Variants in PRR5L observed in about 807,000 individuals in gnomAD.
The protein encoded by PRR5L is proline-rich protein 5-like.
PRR5L carries 21 observed loss-of-function variants against 36.4 expected under a neutral mutation model. The observed-to-expected ratio is 0.58, with a 90% CI of 0.41 to 0.83. The LOEUF (loss-of-function observed/expected upper bound fraction) is 0.83, where lower values mean the gene tolerates loss of function less well. PRR5L is among the 40% of genes least tolerant of loss of function. The probability of loss-of-function intolerance (pLI) is 0.00; values close to 1 mark genes in which losing one functional copy is unlikely to be tolerated. For synonymous variants in PRR5L, 188 were observed against 197.0 expected (o/e 0.95, Z 0.38); for missense variants, 381 against 473.3 (o/e 0.80, Z 1.81).
chr11:36,347,306 A>G (rs1856877345), intron 1 of PRR5L, among the ~76,000 whole-genome samples: 1 of 152,174 alleles, frequency 6.6e-6, no homozygotes, highest in Admixed American at 6.5e-5. Flanking sequence ...GACTTTGCCT[A>G]TGGAATGGGA....
chr11:36,398,398 A>G (rs1394153789), intron 1 of PRR5L: 4 of 152,396 alleles, frequency 2.6e-5, no homozygotes, highest in African/African-American at 9.6e-5. Flanking sequence ...AGGTGAACCC[A>G]GGGTGTATCA....
At chr11:36,303,993 C>G (rs55760658) in intron 1 of PRR5L, among the ~76,000 whole-genome samples, 1,728 of 152,250 alleles carry the variant, frequency 0.011, 37 homozygotes, top group African/African-American at 0.039. Flanking sequence ...CAATTCAACC[C>G]TAAGAGGTGG....
chr11:36,342,273 T>C (rs1241729429), intron 1 of PRR5L, among the ~76,000 whole-genome samples: 1 of 152,178 alleles, frequency 6.6e-6, no homozygotes. Flanking sequence ...ATCTTTATTA[T>C]GTAGGCTGGC....
intron 8 of PRR5L, among the ~76,000 whole-genome samples, chr11:36,456,333 C>T (rs114986072): frequency 1.2e-3 from 183 of 152,316 alleles, no homozygotes; most frequent in African/African-American, 4.3e-3. Context: ...GCTGTATTGC[C>T]ATGTCCTATT....
intron 1 of PRR5L, among the ~76,000 whole-genome samples, chr11:36,341,544 G>A (rs1009411639): frequency 6.6e-6 from 1 of 152,134 alleles, no homozygotes; most frequent in African/African-American, 2.4e-5. Flanking sequence ...AGCTCAATGG[G>A]ACATGCCGTC....
At chr11:36,447,954 T>C (rs1376287752) in intron 7 of PRR5L, among the ~76,000 whole-genome samples, 1 of 152,170 alleles carries the variant, frequency 6.6e-6, no homozygotes, top group East Asian at 1.9e-4. Flanking sequence ...GGGATTCTGA[T>C]AGGAAAATTC....
At chr11:36,409,298 C>T (rs77190366) in intron 3 of PRR5L, among the ~76,000 whole-genome samples, 3,493 of 152,198 alleles carry the variant, frequency 0.023, 64 homozygotes, top group East Asian at 0.034. Flanking sequence ...ATGAAGTTTC[C>T]GGAAACCAGA....
chr11:36,456,693 G>A (rs58983282), intron 8 of PRR5L, among the ~76,000 whole-genome samples: 4,616 of 152,296 alleles, frequency 0.03, 231 homozygotes, highest in African/African-American at 0.1. Context: ...GTTCTTCTGC[G>A]AAGTGGTTAG....
At chr11:36,415,783 CAT>C (rs147509716) in intron 3 of PRR5L, among the ~76,000 whole-genome samples, 2,419 of 152,250 alleles carry the variant, frequency 0.016, 60 homozygotes, top group African/African-American at 0.056. Context: ...AAATAAAATG[CAT>C]ATGTGTTCTC....
intron 1 of PRR5L, among the ~76,000 whole-genome samples, chr11:36,339,292 C>T (rs1403703691): frequency 6.6e-6 from 1 of 152,198 alleles, no homozygotes; most frequent in African/African-American, 2.4e-5. Flanking sequence ...CATGGTTTTG[C>T]CATGTTGGCC....
At chr11:36,310,911 C>T (rs1209475743) in intron 1 of PRR5L, among the ~76,000 whole-genome samples, 1 of 149,052 alleles carries the variant, frequency 6.7e-6, no homozygotes, top group African/African-American at 2.5e-5. Context: ...GCAAGAGAAT[C>T]GCTTGAACCA....
intron 1 of PRR5L, among the ~76,000 whole-genome samples, chr11:36,387,413 TA>T (rs59268064): frequency 0.037 from 5,507 of 150,522 alleles, 352 homozygotes; most frequent in African/African-American, 0.13. Flanking sequence ...ACTTAAAGTA[TA>T]AAAAAAAAGA....
intron 8 of PRR5L, among the ~76,000 whole-genome samples, chr11:36,457,046 G>A (rs1280446378): frequency 2.6e-5 from 4 of 152,176 alleles, no homozygotes; most frequent in Non-Finnish European, 5.9e-5. Context: ...TGCTGCCTGG[G>A]CCCTCCAAGG....
chr11:36,397,945 G>GC (rs1857703224), intron 1 of PRR5L, among the ~76,000 whole-genome samples: 1 of 151,642 alleles, frequency 6.6e-6, no homozygotes, highest in South Asian at 2.1e-4. Flanking sequence ...AAAGGCATGC[G>GC]CCCCCATGCC....
intron 1 of PRR5L, among the ~76,000 whole-genome samples, chr11:36,310,969 C>A (rs1856495511): frequency 7.9e-6 from 1 of 126,346 alleles, no homozygotes; most frequent in East Asian, 2.4e-4. Context: ...TGCACTCTGC[C>A]TGGTGACAGA....
At chr11:36,425,756 C>T (rs1412531042) in intron 4 of PRR5L, 1 of 152,034 alleles carries the variant, frequency 6.6e-6, no homozygotes, top group Non-Finnish European at 1.5e-5. Flanking sequence ...AGGAAGGCAT[C>T]CAGGTTCACA....
At chr11:36,296,636 G>T (rs1266995546) in intron 1 of PRR5L, among the ~76,000 whole-genome samples, 198 bp downstream of exon 1, 1 of 152,216 alleles carries the variant, frequency 6.6e-6, no homozygotes, top group Non-Finnish European at 1.5e-5. Flanking sequence ...AATACCCTCT[G>T]TCTGTCTGGC....
chr11:36,460,085 G>C (rs950664436), intron 8 of PRR5L, among the ~76,000 whole-genome samples: 7 of 152,130 alleles, frequency 4.6e-5, no homozygotes, highest in African/African-American at 1.4e-4. Context: ...TTTATACACA[G>C]GTGTGGTGGG....
chr11:36,328,509 G>C (rs77203825), intron 1 of PRR5L, among the ~76,000 whole-genome samples: 14,619 of 152,144 alleles, frequency 0.096, 1,285 homozygotes, highest in African/African-American at 0.24. Flanking sequence ...CTCCCTCTTT[G>C]TTTTCCACCA....
Sources: allele counts gnomAD v4.1 joint callset (sites outside exome capture counted in the v4.1 genomes callset), GRCh38; gene constraint gnomAD v4.1.1; transcripts MANE v1.5; gene names NCBI Gene and HGNC (gene_info 2026-07-23, HGNC 2026-07-21).